AGBL1: variants seen among roughly 807,000 people sequenced by gnomAD.
AGBL1 encodes the protein AGBL carboxypeptidase 1, also known as cytosolic carboxypeptidase 4.
A neutral mutation model predicts 118.9 loss-of-function variants in AGBL1; 130 were observed. That is an observed-to-expected ratio of 1.09 (90% CI 0.95 to 1.26). The LOEUF (loss-of-function observed/expected upper bound fraction) is 1.26. AGBL1 is among the 50% of genes most tolerant of loss of function. AGBL1 has a pLI of 0.00. For synonymous variants in AGBL1, 555 were observed against 478.9 expected, an observed-to-expected ratio of 1.16 and a Z score of -2.08; for missense variants, 1,584 against 1,298.1, an observed-to-expected ratio of 1.22 and a Z score of -3.38.
At chr15:86,790,163 G>A (rs1301084662) in intron 22 of AGBL1, among the ~76,000 whole-genome samples, 1 of 152,014 alleles carries the variant, frequency 6.6e-6, no homozygotes, top group Non-Finnish European at 1.5e-5. Flanking sequence ...TAATCACAAA[G>A]CCCACAGAAA....
intron 22 of AGBL1, among the ~76,000 whole-genome samples, chr15:86,749,962 T>A (rs537552666): frequency 1.3e-5 from 2 of 152,218 alleles, no homozygotes; most frequent in East Asian, 3.9e-4. Context: ...GATATTGGTC[T>A]AAAATTCTCT....
intron 22 of AGBL1, among the ~76,000 whole-genome samples, chr15:86,873,620 C>T (rs1351917112): frequency 6.6e-6 from 1 of 152,074 alleles, no homozygotes; most frequent in East Asian, 1.9e-4. Flanking sequence ...AATCCTTTGC[C>T]CATTCCACCA....
chr15:87,015,349 T>C (rs539704767), intron 24 of AGBL1, among the ~76,000 whole-genome samples: 16 of 152,026 alleles, frequency 1.1e-4, no homozygotes, highest in Middle Eastern at 6.4e-3. Flanking sequence ...CTTATCTTTC[T>C]GCCTGTCTGT....
intron 6 of AGBL1, among the ~76,000 whole-genome samples, chr15:86,230,627 G>A (rs1030320153): frequency 5.9e-5 from 9 of 152,168 alleles, no homozygotes; most frequent in African/African-American, 1.9e-4. Flanking sequence ...CCAGATGAGG[G>A]CCATGGAGTC....
At position 86,237,770 on chromosome 15, in the gene AGBL1, G is replaced by A. The variant is rs1442420527; in HGVS notation, c.527-9901G>A. 3.3e-5 allele frequency among the ~76,000 whole-genome samples: 5 copies of A among 152,098 alleles called. No individual in the cohort carries two copies. In the South Asian group the frequency reaches 6.2e-4, roughly 19 times the overall value. On this transcript the variant is annotated intron_variant, in intron 6 of 22. Transcript: ENST00000614907. ...AGAGATGCAAAAACAACAGAAAGGC[G>A]AGTGAGAAATTCTCAGCCTGACAGA... is the stretch of plus-strand genomic sequence containing the variant.
At chr15:86,680,988 G>A (rs1331985310) in intron 22 of AGBL1, among the ~76,000 whole-genome samples, 1 of 151,692 alleles carries the variant, frequency 6.6e-6, no homozygotes, top group Non-Finnish European at 1.5e-5. Flanking sequence ...TTTCTCTTGT[G>A]TGTGTGGTTT....
chr15:86,991,813 A>T (rs2081338541), intron 24 of AGBL1, among the ~76,000 whole-genome samples: 1 of 152,134 alleles, frequency 6.6e-6, no homozygotes, highest in Non-Finnish European at 1.5e-5. Flanking sequence ...GACACCCAAA[A>T]TCTCAATCTC....
intron 17 of AGBL1, among the ~76,000 whole-genome samples, chr15:86,389,154 A>G (rs1423039386): frequency 6.6e-6 from 1 of 152,192 alleles, no homozygotes; most frequent in Non-Finnish European, 1.5e-5. Flanking sequence ...AACAGAAAAC[A>G]TTAAAAAAAT....
intron 22 of AGBL1, among the ~76,000 whole-genome samples, chr15:86,901,362 T>A (rs2080209603): frequency 6.6e-6 from 1 of 152,148 alleles, no homozygotes; most frequent in Admixed American, 6.6e-5. Context: ...CCATTTAGAA[T>A]TACATTTTTA....
Position 86,912,961 on chromosome 15 carries a change from C to T in AGBL1, c.*5667C>T, listed in dbSNP as rs991071480. 1.3e-5 allele frequency: 2 copies of T among 152,202 alleles called. No individual in the cohort carries two copies. The highest frequency in any genetic ancestry group is 6.5e-5 in the Admixed American group (1 of 15,290). The allele number at this position is 152,202 out of a possible 1,614,324, so 9.4% of individuals were successfully genotyped here. On this transcript the variant is annotated 3_prime_UTR_variant, in exon 23 of 23. Coordinates refer to ENST00000614907, the MANE Select transcript of AGBL1 (RefSeq NM_001386094.1). ...CTGCTGTCTTCCCAACAGATGTCCT[C>T]TTTTGTTTGTGTTGCAGTTTGGTTC...
chr15:86,641,891 G>A (rs1321270615), intron 21 of AGBL1, among the ~76,000 whole-genome samples: 2 of 152,184 alleles, frequency 1.3e-5, no homozygotes, highest in Admixed American at 6.5e-5. Context: ...GATGTGCTTG[G>A]TCAGTTGTGC....
chr15:86,223,417 T>G (rs2078309144), intron 5 of AGBL1, among the ~76,000 whole-genome samples: 1 of 152,158 alleles, frequency 6.6e-6, no homozygotes, highest in Non-Finnish European at 1.5e-5. Context: ...ACACTGATTT[T>G]CTTTTTGCCC....
At position 86,677,158 on chromosome 15, in the gene AGBL1, G is replaced by C. The variant is rs28396885; in HGVS notation, c.3158+2722G>C. Reference sequence around the variant, plus strand: ...GTGGACATCATGTTTTCTGACAATAGGTTTCATGCTTCATTTACCATAAAA... The same window carrying C: ...GTGGACATCATGTTTTCTGACAATACGTTTCATGCTTCATTTACCATAAAA... On this transcript the variant is annotated intron_variant, in intron 22 of 22. Transcript: ENST00000614907. 2.2e-3 allele frequency among the ~76,000 whole-genome samples: 338 copies of C among 152,200 alleles called. 2 individuals are homozygous for C. The highest frequency in any genetic ancestry group is 7.9e-3 in the African/African-American group (327 of 41,530).
At chr15:86,251,591 C>T (rs1047539956) in intron 7 of AGBL1, among the ~76,000 whole-genome samples, 2 of 152,096 alleles carry the variant, frequency 1.3e-5, no homozygotes. Context: ...TCATAATATT[C>T]TTCTTTGCCT....
intron 22 of AGBL1, among the ~76,000 whole-genome samples, chr15:86,715,561 G>T (rs1567136860): frequency 6.6e-6 from 1 of 152,118 alleles, no homozygotes; most frequent in Non-Finnish European, 1.5e-5. Flanking sequence ...ATGTGGAATT[G>T]ATAATTTGGA....
intron 4 of AGBL1, among the ~76,000 whole-genome samples, chr15:86,157,425 T>C (rs1414030341): frequency 6.6e-6 from 1 of 152,166 alleles, no homozygotes; most frequent in African/African-American, 2.4e-5. Flanking sequence ...TCCTAAAGCA[T>C]AAATAGGCTG....
At chr15:86,639,068 C>G (rs902503507) in intron 21 of AGBL1, among the ~76,000 whole-genome samples, 1 of 152,160 alleles carries the variant, frequency 6.6e-6, no homozygotes, top group Non-Finnish European at 1.5e-5. Context: ...TCTAGGCAAG[C>G]GAGAAGGCAA....
Position 86,931,818 on chromosome 15 carries a change from C to T in AGBL1, c.3222-56169C>T, listed in dbSNP as rs75709828. On this transcript the variant is annotated intron_variant, in intron 23 of 24. Transcript: ENST00000441037. ...ATAACCCTGAAGGCATCATGGTTGC[C>T]TAAATATATAAGCAAAATGAAATGT... 3.7e-3 allele frequency among the ~76,000 whole-genome samples: 564 copies of T among 152,128 alleles called. 6 individuals carry two copies. The highest frequency in any genetic ancestry group is 0.013 in the African/African-American group (547 of 41,494).
chr15:86,100,878 C>A (rs76225668), intron 1 of AGBL1, among the ~76,000 whole-genome samples: 1 of 152,006 alleles, frequency 6.6e-6, no homozygotes, highest in East Asian at 1.9e-4. Flanking sequence ...TATCTCTGTT[C>A]TGATCTTTAT....
Sources: allele counts gnomAD v4.1 joint callset (sites outside exome capture counted in the v4.1 genomes callset), GRCh38; gene constraint gnomAD v4.1.1; transcripts MANE v1.5; gene names NCBI Gene and HGNC (gene_info 2026-07-23, HGNC 2026-07-21).